The following ARSB variants were observed in gnomAD, a reference collection of about 807,000 sequenced individuals.
The protein encoded by ARSB is arylsulfatase B.
ARSB carries 41 observed loss-of-function variants against 50.9 expected under a neutral mutation model. The ratio of observed to expected loss-of-function variants is 0.81; its 90% CI spans 0.63 to 1.04. ARSB has a LOEUF of 1.04. Among genes scored for constraint, ARSB ranks in the 50% least tolerant of loss-of-function variants. The pLI is 0.00. For synonymous variants in ARSB, 269 were observed against 284.8 expected (o/e 0.94, Z 0.56); for missense variants, 672 against 693.3 (o/e 0.97, Z 0.35).
intron 4 of ARSB, among the ~76,000 whole-genome samples, chr5:78,898,068 G>A (rs1748652698): frequency 6.6e-6 from 1 of 152,116 alleles, no homozygotes; most frequent in African/African-American, 2.4e-5. Context: ...AGGAGTTCGA[G>A]ACCAGCCTGG....
In ARSB at chr5:78,849,418, G is replaced by A. The variant is rs960624425; in HGVS notation, c.1143-9992C>T. ...TCTGAGGGCTCTGTTCTGTTCCATT[G>A]ATCTATATCTCTGTTTTGGTACCAG... On this transcript the variant is annotated intron_variant, in intron 5 of 7. Coordinates refer to ENST00000264914, the MANE Select transcript of ARSB (RefSeq NM_000046.5). 5.8e-4 allele frequency among the ~76,000 whole-genome samples: 88 copies of A among 152,084 alleles called. 1 individual carries two copies. The highest frequency in any genetic ancestry group is 2.0e-3 in the African/African-American group (85 of 41,468).
intron 5 of ARSB, among the ~76,000 whole-genome samples, chr5:78,842,191 G>A (rs1745251248): frequency 6.6e-6 from 1 of 152,108 alleles, no homozygotes; most frequent in Non-Finnish European, 1.5e-5. Flanking sequence ...TACTGATACT[G>A]CAACCAAGAA....
chr5:78,945,632 T>C (rs16876110), intron 4 of ARSB, among the ~76,000 whole-genome samples: 6,287 of 152,228 alleles, frequency 0.041, 325 homozygotes, highest in African/African-American at 0.12. Context: ...ATGAGACCCT[T>C]CACAATTCCT....
chr5:78,950,131 G>T (rs1751435648), intron 4 of ARSB, among the ~76,000 whole-genome samples: 1 of 152,136 alleles, frequency 6.6e-6, no homozygotes, highest in Admixed American at 6.5e-5. Flanking sequence ...ATCAGCCATG[G>T]TGACAAGCAT....
intron 4 of ARSB, among the ~76,000 whole-genome samples, chr5:78,940,048 T>C (rs1260968506): frequency 6.6e-6 from 1 of 152,254 alleles, no homozygotes. Context: ...ATGAGCATTT[T>C]TTCATGTGTC....
chr5:78,841,034 C>A (rs1490473001), intron 5 of ARSB, among the ~76,000 whole-genome samples: 1 of 152,010 alleles, frequency 6.6e-6, no homozygotes, highest in Non-Finnish European at 1.5e-5. Flanking sequence ...ATGGCTCACG[C>A]CTATAATCCC....
At chr5:78,968,629 G>A (rs541829873) in intron 2 of ARSB, among the ~76,000 whole-genome samples, 2 of 152,034 alleles carry the variant, frequency 1.3e-5, no homozygotes, top group Non-Finnish European at 1.5e-5. Context: ...GATTACAGGC[G>A]TGAGCCACCG....
intron 4 of ARSB, among the ~76,000 whole-genome samples, chr5:78,942,363 A>C (rs1018710112): frequency 1.1e-4 from 15 of 139,874 alleles, no homozygotes; most frequent in Non-Finnish European, 2.0e-4. Context: ...TAGTTCTTTT[A>C]ATTGTGATGT....
chr5:78,969,523 G>T (rs935103516), intron 1 of ARSB, among the ~76,000 whole-genome samples: 4 of 152,170 alleles, frequency 2.6e-5, no homozygotes, highest in Non-Finnish European at 5.9e-5. Flanking sequence ...CAAGAAAAAA[G>T]CGTTCCAATT....
chr5:78,810,940 G>T (rs1743784220), intron 6 of ARSB, among the ~76,000 whole-genome samples: 2 of 152,132 alleles, frequency 1.3e-5, no homozygotes, highest in South Asian at 4.1e-4. Flanking sequence ...CAACAAATTA[G>T]CAATACAAGA....
chr5:78,850,681 A>G (rs1399513407), intron 5 of ARSB, among the ~76,000 whole-genome samples: 1 of 152,098 alleles, frequency 6.6e-6, no homozygotes, highest in African/African-American at 2.4e-5. Flanking sequence ...TGTGAATCCA[A>G]CTGGTCTTGG....
chr5:78,864,980 A>G (rs924707017), intron 5 of ARSB, among the ~76,000 whole-genome samples: 2 of 152,054 alleles, frequency 1.3e-5, no homozygotes, highest in Non-Finnish European at 2.9e-5. Flanking sequence ...GCAGGGTACA[A>G]CCTCCCTCCT....
chr5:78,935,153 C>A (rs1750523311), intron 4 of ARSB, among the ~76,000 whole-genome samples: 1 of 152,044 alleles, frequency 6.6e-6, no homozygotes, highest in Non-Finnish European at 1.5e-5. Flanking sequence ...CATAATAAAT[C>A]ACCTTCAATT....
At chr5:78,939,730 C>A (rs899224826) in intron 4 of ARSB, among the ~76,000 whole-genome samples, 1 of 152,028 alleles carries the variant, frequency 6.6e-6, no homozygotes, top group Non-Finnish European at 1.5e-5. Flanking sequence ...TGAATAGTGC[C>A]GCAATAAACA....
chr5:78,838,243 A>C (rs1745033630), intron 6 of ARSB, among the ~76,000 whole-genome samples: 1 of 152,146 alleles, frequency 6.6e-6, no homozygotes, highest in Non-Finnish European at 1.5e-5. Context: ...TCACAGAGGG[A>C]GACATGGGGC....
chr5:78,949,794 C>A (rs1016135372), intron 4 of ARSB, among the ~76,000 whole-genome samples: 1 of 152,050 alleles, frequency 6.6e-6, no homozygotes, highest in Non-Finnish European at 1.5e-5. Context: ...CCTGTAATCC[C>A]AGCTATTTGG....
intron 4 of ARSB, among the ~76,000 whole-genome samples, chr5:78,904,685 C>CTTTTTTTTTTTTT (rs55920994): frequency 1.2e-4 from 12 of 98,922 alleles, no homozygotes; most frequent in South Asian, 3.2e-4. Context: ...TTCTTTCTTT[C>CTTTTTTTTTTTTT]TTTTTTTTTT....
intron 4 of ARSB, among the ~76,000 whole-genome samples, chr5:78,935,909 G>A (rs1035852399): frequency 6.7e-6 from 1 of 148,904 alleles, no homozygotes; most frequent in African/African-American, 2.5e-5. Context: ...GGTATTTTTC[G>A]TTCTCTCTCC....
At chr5:78,872,073 C>T (rs1369356638) in intron 5 of ARSB, among the ~76,000 whole-genome samples, 1 of 149,618 alleles carries the variant, frequency 6.7e-6, no homozygotes, top group Non-Finnish European at 1.5e-5. Flanking sequence ...AAATGCTCAC[C>T]ATCACTGGCC....
Sources: allele counts gnomAD v4.1 joint callset (sites outside exome capture counted in the v4.1 genomes callset), GRCh38; gene constraint gnomAD v4.1.1; transcripts MANE v1.5; gene names NCBI Gene and HGNC (gene_info 2026-07-23, HGNC 2026-07-21).